GCC1: variants seen among roughly 807,000 people sequenced by gnomAD.
The protein encoded by GCC1 is GRIP and coiled-coil domain containing 1.
GCC1 carries 36 observed loss-of-function variants against 62.5 expected under a neutral mutation model. The ratio of observed to expected loss-of-function variants is 0.58; its 90% CI spans 0.44 to 0.76. GCC1 has a LOEUF of 0.76. Ranked by LOEUF, GCC1 falls within the 30% of genes least tolerant of loss-of-function variation. GCC1 has a pLI of 0.00. For synonymous variants in GCC1, 391 were observed against 386.8 expected, an observed-to-expected ratio of 1.01 and a Z score of -0.13; for missense variants, 885 against 948.3, an observed-to-expected ratio of 0.93 and a Z score of 0.88.
In GCC1 at chr7:127,581,569, G is replaced by A. The variant is rs1459262626; in HGVS notation, c.*445C>T. 1.3e-5 allele frequency: 2 copies of A among 157,526 alleles called. No individual in the cohort carries two copies. Among genetic ancestry groups the A allele is most frequent in the African/African-American group, 2.4e-5 (1 of 41,484 alleles). The allele number at this position is 157,526 out of a possible 1,614,324, so 9.8% of individuals were successfully genotyped here. On this transcript the variant is annotated 3_prime_UTR_variant, in exon 2 of 2. Transcript: ENST00000321407. ...CCTGGTTTTATGTCCCCAGAGAATTGGGGTAGCAATGGACCAGACTCAGAC... is the reference window on the plus strand; with the variant it reads ...CCTGGTTTTATGTCCCCAGAGAATTAGGGTAGCAATGGACCAGACTCAGAC...
chr7:127,584,598 C>T lies in GCC1; in HGVS notation c.585G>A (p.Gln195=). 6.2e-7 allele frequency: 1 copy of T among 1,614,152 alleles called. No individual in the cohort carries two copies. The highest frequency in any genetic ancestry group is 8.5e-7 in the Non-Finnish European group (1 of 1,180,024). The change falls in exon 1 of 2, where the codon CAG becomes CAA. Residue 195 remains glutamine (Q), a synonymous_variant. Coordinates refer to ENST00000321407, the MANE Select transcript of GCC1 (RefSeq NM_024523.6). The stretch of plus-strand genomic sequence containing the variant: ...CCTTGTTACTGGCATCCTCTAAGTC[C>T]TGTTTCATCTTTTTCTTGTCAGCCA... ...SYLADKKKMK[Q]DLEDASNKAE... is the part of the protein sequence containing the mutation.
At position 127,580,932 on chromosome 7, in the gene GCC1, CTGAA is replaced by C. The variant is rs148317491; in HGVS notation, c.*1078_*1081del. On this transcript the variant is annotated 3_prime_UTR_variant, in exon 2 of 2. Coordinates refer to ENST00000321407, the MANE Select transcript of GCC1 (RefSeq NM_024523.6). ...TCTGAGAACCCCCTTTCCAGACTGCCTGAATAAGTTGCCTTTTCTTAAAAGAGCA... is the reference window on the plus strand; with the variant it reads ...TCTGAGAACCCCCTTTCCAGACTGCCTAAGTTGCCTTTTCTTAAAAGAGCA... 3.3e-5 allele frequency: 5 copies of C among 152,296 alleles called. No homozygotes were observed. The East Asian group carries it at 9.6e-4, about 29-fold the overall frequency. The allele number at this position is 152,296 out of a possible 1,614,324, so 9.4% of individuals were successfully genotyped here. A position where few individuals can be genotyped will look rare whatever the true frequency, so the allele number is the denominator to read the frequency against.
rs764071715 is a variant in GCC1, at chr7:127,583,040, A to G, written c.1302T>C (p.Asp434=). ...GCAGCCTCTTCAGCTTCTCCATCTTATCTTTCAGGACATTGACATCCAGAC... is the reference window on the plus strand; with the variant it reads ...GCAGCCTCTTCAGCTTCTCCATCTTGTCTTTCAGGACATTGACATCCAGAC... ...ESSLDVNVLK[D]KMEKLKRLLQ... Residue 434 remains aspartate, a synonymous_variant, in exon 2 of 2, where the codon GAT becomes GAC. Coordinates refer to ENST00000321407, the MANE Select transcript of GCC1 (RefSeq NM_024523.6). The G allele has an allele frequency of 6.2e-7, 1 of 1,613,876 alleles. No homozygotes were observed. The highest frequency in any genetic ancestry group is 2.2e-5 in the East Asian group (1 of 44,842).
rs1272172085 is a variant in GCC1 at position 127,584,213 on chromosome 7, G to T, written c.970C>A (p.Gln324Lys). Residue 324 changes from glutamine (Q) to lysine (K), a missense_variant, in exon 1 of 2, where the codon CAG becomes AAG. Gln to Lys is a moderately conservative substitution (Grantham distance 53). Coordinates refer to ENST00000321407, the MANE Select transcript of GCC1 (RefSeq NM_024523.6). ...CTCTTAAGGCGGGCAGCCTCTTCCT[G>T]AAGTTCTTGCAGCCGGGGATCTGGC... Reference protein sequence around the residue: ...NQPDPRLQELQEEAARLKSHF... With the variant: ...NQPDPRLQELKEEAARLKSHF... The T allele has an allele frequency of 1.9e-6, 3 of 1,613,782 alleles. No homozygotes were observed. Among genetic ancestry groups the T allele is most frequent in the South Asian group, 1.1e-5 (1 of 91,064 alleles).
chr7:127,583,256 C>T lies in GCC1; in HGVS notation c.1086G>A (p.Arg362=), dbSNP rs1794160873. 6.2e-7 allele frequency: 1 copy of T among 1,611,856 alleles called. No individual in the cohort carries two copies. Among genetic ancestry groups the T allele is most frequent in the African/African-American group, 1.3e-5 (1 of 74,846 alleles). Reference sequence around the variant, plus strand: ...ATATTTGATTCTCCAGGGCTGCCACCCTCTGTTCTTCTACCTGAGATTGCT... The same window carrying T: ...ATATTTGATTCTCCAGGGCTGCCACTCTCTGTTCTTCTACCTGAGATTGCT... The part of the protein sequence containing the change: ...LRQQSQVEEQ[R]VAALENQISE... Residue 362 remains arginine (R), a synonymous_variant, in exon 2 of 2, where the codon AGG becomes AGA. Coordinates refer to ENST00000321407, the MANE Select transcript of GCC1 (RefSeq NM_024523.6).
Position 127,585,303 on chromosome 7 carries a change from A to G in GCC1, c.-121T>C. ...CTGTCCGGCGGCGGGCCGCACACCT[A>G]CTCCACCTAGTTATCCCGGACCTAA... On this transcript the variant is annotated 5_prime_UTR_variant, in exon 1 of 2. Coordinates refer to ENST00000321407, the MANE Select transcript of GCC1 (RefSeq NM_024523.6). 1 of 909,432 alleles carries G rather than the reference A, an allele frequency of 1.1e-6. No individual in the cohort carries two copies. Among genetic ancestry groups the G allele is most frequent in the Non-Finnish European group, 1.6e-6 (1 of 610,406 alleles). 56.3% of individuals were successfully genotyped at this position (909,432 alleles called of 1,614,324 possible). A position where few individuals can be genotyped will look rare whatever the true frequency, so the allele number is the denominator to read the frequency against.
Position 127,585,020 on chromosome 7 carries a change from T to C in GCC1, c.163A>G (p.Ser55Gly). Residue 55 changes from serine to glycine, a missense_variant, in exon 1 of 2, where the codon AGC becomes GGC. Physicochemically the swap from Ser to Gly is moderately conservative, Grantham distance 56. Coordinates refer to ENST00000321407, the MANE Select transcript of GCC1 (RefSeq NM_024523.6). ...TGGGATACCGACAGCACCTTGATGC[T>C]GGCCTCTAATGCCTCTTTCTCCTTC... Reference protein sequence around the residue: ...LLKEKEALEASIKVLSVSHEA... With the variant: ...LLKEKEALEAGIKVLSVSHEA... 6.2e-7 allele frequency: 1 copy of C among 1,614,244 alleles called. No homozygotes were observed. Among genetic ancestry groups the C allele is most frequent in the Non-Finnish European group, 8.5e-7 (1 of 1,180,046 alleles).
In GCC1 at chr7:127,581,510, TG is replaced by T. The variant is rs1412154496; in HGVS notation, c.*503del. 6.3e-6 allele frequency: 1 copy of T among 157,998 alleles called. No homozygotes were observed. Among genetic ancestry groups the T allele is most frequent in the Admixed American group, 6.1e-5 (1 of 16,406 alleles). The allele number at this position is 157,998 out of a possible 1,614,324, so 9.8% of individuals were successfully genotyped here. On this transcript the variant is annotated 3_prime_UTR_variant, in exon 2 of 2. Transcript: ENST00000321407. Reference sequence around the variant, plus strand: ...TAGCCCTTGGGACTAGTGGATGATATGTCACTATTTCAAACTTCCTGGTCCC... The same window carrying T: ...TAGCCCTTGGGACTAGTGGATGATATTCACTATTTCAAACTTCCTGGTCCC...
chr7:127,583,103 G>A lies in GCC1; in HGVS notation c.1239C>T (p.Ser413=). ...CATGGCTGTCTAAAGGGGACCTGCT[G>A]GAGGCTGCTAGAGCCAGTGTCTTGT... The part of the protein sequence containing the change: ...LENKTLALAA[S]SRSPLDSHGE... The change falls in exon 2 of 2, where the codon TCC becomes TCT. Residue 413 remains serine (S), a synonymous_variant. Coordinates refer to ENST00000321407, the MANE Select transcript of GCC1 (RefSeq NM_024523.6). 2 of 1,614,116 alleles carry A rather than the reference G, an allele frequency of 1.2e-6. No homozygotes were observed. The highest frequency in any genetic ancestry group is 2.2e-5 in the East Asian group (1 of 44,866).
chr7:127,582,793 G>A lies in GCC1; in HGVS notation c.1549C>T (p.Leu517=), dbSNP rs965536496. The A allele has an allele frequency of 2.5e-6, 4 of 1,614,048 alleles. No individual in the cohort carries two copies. The highest frequency in any genetic ancestry group is 3.4e-6 in the Non-Finnish European group (4 of 1,180,034). The change falls in exon 2 of 2, where the codon CTG becomes TTG. Residue 517 remains leucine, a synonymous_variant. Coordinates refer to ENST00000321407, the MANE Select transcript of GCC1 (RefSeq NM_024523.6). The surrounding 1 kb of genome is among the most constrained non-coding windows in gnomAD (Gnocchi z 4.8). ...NTKDGNLGKE[L]EAAQEQLAEL... ...GCAAGCTGTTCCTGGGCTGCCTCCA[G>A]CTCCTTTCCCAGGTTACCATCTTTG...
rs1053386170 is a variant in GCC1, at chr7:127,584,984, C to T, written c.199G>A (p.Val67Met). Reference sequence around the variant, plus strand: ...GGAAGCTGGACACCTGCGAGGCCCACATCTGCCTCGTGGGATACCGACAGC... The same window carrying T: ...GGAAGCTGGACACCTGCGAGGCCCATATCTGCCTCGTGGGATACCGACAGC... The part of the protein sequence containing the change: ...KVLSVSHEAD[V>M]GLAGVQLPGL... Residue 67 changes from valine to methionine, a missense_variant, in exon 1 of 2, where the codon GTG becomes ATG. Transcript: ENST00000321407. 2 of 1,614,220 alleles carry T rather than the reference C, an allele frequency of 1.2e-6. No homozygotes were observed. Among genetic ancestry groups the T allele is most frequent in the South Asian group, 1.1e-5 (1 of 91,088 alleles).
Position 127,582,204 on chromosome 7 carries a change from T to A in GCC1, c.2138A>T (p.Gln713Leu), listed in dbSNP as rs752851618. The part of the protein sequence containing the change: ...QSHIEKNIRD[Q>L]SREGANLEYL... ...CTCCAGATTGGCTCCCTCCCTGCTC[T>A]GGTCCCTGATGTTCTTTTCGATGTG... is the stretch of plus-strand genomic sequence containing the variant. Residue 713 changes from glutamine to leucine, a missense_variant, in exon 2 of 2, where the codon CAG becomes CTG. Physicochemically the swap from Gln to Leu is moderately radical, Grantham distance 113. Coordinates refer to ENST00000321407, the MANE Select transcript of GCC1 (RefSeq NM_024523.6). This position sits in a 1 kb window ranked among gnomAD's most constrained non-coding sequence, Gnocchi z 4.8. 7.4e-6 allele frequency: 12 copies of A among 1,614,078 alleles called. No homozygotes were observed. The highest frequency in any genetic ancestry group is 6.7e-5 in the Admixed American group (4 of 60,014).
rs369087622 is a variant in GCC1, at chr7:127,582,215, G to A, written c.2127C>T (p.Asn709=). ...CTCCCTCCCTGCTCTGGTCCCTGAT[G>A]TTCTTTTCGATGTGGCTCTGCAGGG... is the stretch of plus-strand genomic sequence containing the variant. ...VAALQSHIEK[N]IRDQSREGAN... The change falls in exon 2 of 2, where the codon AAC becomes AAT. Residue 709 remains asparagine, a synonymous_variant. Coordinates refer to ENST00000321407, the MANE Select transcript of GCC1 (RefSeq NM_024523.6). This position sits in a 1 kb window ranked among gnomAD's most constrained non-coding sequence, Gnocchi z 4.8. 18 of 1,614,060 alleles carry A rather than the reference G, an allele frequency of 1.1e-5. No homozygotes were observed. The highest frequency in any genetic ancestry group is 1.4e-5 in the Non-Finnish European group (17 of 1,180,028).
chr7:127,582,400 C>T lies in GCC1; in HGVS notation c.1942G>A (p.Ala648Thr). The change falls in exon 2 of 2, where the codon GCC (alanine) becomes ACC (threonine). Residue 648 changes from alanine (A) to threonine (T), a missense_variant. Ala to Thr is a moderately conservative substitution (Grantham distance 58). Transcript: ENST00000321407. This position sits in a 1 kb window ranked among gnomAD's most constrained non-coding sequence, Gnocchi z 4.8. ...TACAGAAAGAAAGTGGGCTCATTGG[C>T]CGCTGCAAGTTGTAATGCTTGGGTC... ...SLTQALQLAA[A>T]NEPTFFLYAE... The T allele has an allele frequency of 6.2e-7, 1 of 1,614,200 alleles. No homozygotes were observed. Among genetic ancestry groups the T allele is most frequent in the South Asian group, 1.1e-5 (1 of 91,082 alleles).
chr7:127,583,286 G>T lies in GCC1; in HGVS notation c.1056C>A (p.Leu352=). The part of the protein sequence containing the change: ...MRKTALAEDQ[L]RQQSQVEEQR... ...GTTCTTCTACCTGAGATTGCTGACGGAGTTGATCCTCTGCAAGAGCTGTCT... is the reference window on the plus strand; with the variant it reads ...GTTCTTCTACCTGAGATTGCTGACGTAGTTGATCCTCTGCAAGAGCTGTCT... Residue 352 remains leucine, a synonymous_variant, in exon 2 of 2, where the codon CTC becomes CTA. Transcript: ENST00000321407. The T allele has an allele frequency of 1.2e-6, 2 of 1,603,702 alleles. No individual in the cohort carries two copies. Among genetic ancestry groups the T allele is most frequent in the Non-Finnish European group, 8.5e-7 (1 of 1,173,448 alleles).
rs368776021 is a variant in GCC1, at chr7:127,581,984, C to T, written c.*30G>A. 1.9e-6 allele frequency: 3 copies of T among 1,561,202 alleles called. No individual in the cohort carries two copies. Among genetic ancestry groups the T allele is most frequent in the Non-Finnish European group, 2.6e-6 (3 of 1,139,484 alleles). On this transcript the variant is annotated 3_prime_UTR_variant, in exon 2 of 2. Transcript: ENST00000321407. Reference sequence around the variant, plus strand: ...TGCCCTTTCCCACATAAAAGAGGCACAGAAATTCCAGGAATTCATGAAAAT... The same window carrying T: ...TGCCCTTTCCCACATAAAAGAGGCATAGAAATTCCAGGAATTCATGAAAAT...
intron 1 of GCC1, among the ~76,000 whole-genome samples, chr7:127,583,545 T>G (rs1005224417): frequency 6.6e-6 from 1 of 152,236 alleles, no homozygotes; most frequent in African/African-American, 2.4e-5. Context: ...GCTATTGTTC[T>G]GCTTTCCACC....
rs1006857824 is a variant in GCC1, at chr7:127,581,126, A to T, written c.*888T>A. Reference sequence around the variant, plus strand: ...ACAAAGGCAGAAAAGCTAGGGGCCAATCTCTGAGCTAATTCCTTGAATCCA... The same window carrying T: ...ACAAAGGCAGAAAAGCTAGGGGCCATTCTCTGAGCTAATTCCTTGAATCCA... On this transcript the variant is annotated 3_prime_UTR_variant, in exon 2 of 2. Coordinates refer to ENST00000321407, the MANE Select transcript of GCC1 (RefSeq NM_024523.6). 3 of 152,186 alleles carry T rather than the reference A, an allele frequency of 2.0e-5. No individual in the cohort carries two copies. Among genetic ancestry groups the T allele is most frequent in the African/African-American group, 4.8e-5 (2 of 41,436 alleles). 9.4% of individuals were successfully genotyped at this position (152,186 alleles called of 1,614,324 possible). A position where few individuals can be genotyped will look rare whatever the true frequency, so the allele number is the denominator to read the frequency against.
rs980152685 is a variant in GCC1 at position 127,585,287 on chromosome 7, G to A, written c.-105C>T. 2.7e-5 allele frequency: 31 copies of A among 1,129,334 alleles called. No homozygotes were observed. The highest frequency in any genetic ancestry group is 3.5e-5 in the Non-Finnish European group (28 of 802,114). 70.0% of individuals were successfully genotyped at this position (1,129,334 alleles called of 1,614,324 possible). A position where few individuals can be genotyped will look rare whatever the true frequency, so the allele number is the denominator to read the frequency against. ...AGAAACAGCGAGCGGGCTGTCCGGCGGCGGGCCGCACACCTACTCCACCTA... is the reference window on the plus strand; with the variant it reads ...AGAAACAGCGAGCGGGCTGTCCGGCAGCGGGCCGCACACCTACTCCACCTA... On this transcript the variant is annotated 5_prime_UTR_variant, in exon 1 of 2. Coordinates refer to ENST00000321407, the MANE Select transcript of GCC1 (RefSeq NM_024523.6).
Sources: gnomAD v4.1 joint callset for allele counts (sites outside exome capture counted in the v4.1 genomes callset) on GRCh38, gnomAD v4.1.1 for gene constraint, Gnocchi (gnomAD v3.1) non-coding constraint, MANE v1.5 for transcripts, NCBI Gene and HGNC (gene_info 2026-07-23, HGNC 2026-07-21) for gene names.